CGGBP1: variants seen among roughly 807,000 people sequenced by gnomAD.
The protein encoded by CGGBP1 is CGG triplet repeat-binding protein 1.
CGGBP1 carries 4 observed loss-of-function variants against 11.4 expected under a neutral mutation model. The ratio of observed to expected loss-of-function variants is 0.35; its 90% CI spans 0.17 to 0.80. The LOEUF is 0.80. Ranked by LOEUF, CGGBP1 falls within the 30% of genes least tolerant of loss-of-function variation. The probability of loss-of-function intolerance (pLI) is 0.52; values close to 1 mark genes in which losing one functional copy is unlikely to be tolerated. For synonymous variants in CGGBP1, 76 were observed against 74.1 expected (o/e 1.03, Z -0.13); for missense variants, 135 against 202.1 (o/e 0.67, Z 2.01).
At chr3:88,062,397 G>C (rs1401287830), upstream of CGGBP1, among the ~76,000 whole-genome samples, 1 of 152,102 alleles carries the variant, frequency 6.6e-6, no homozygotes, top group Non-Finnish European at 1.5e-5. Context: ...TGTTGTTGTT[G>C]CAAGTGATGT....
At position 88,107,417 on chromosome 3, in the gene CGGBP1, T is replaced by C. The variant is rs538168721; in HGVS notation, c.-229+33553A>G. Among the ~76,000 whole-genome samples the C allele has an allele frequency of 5.3e-5, 8 of 152,328 alleles. No individual in the cohort carries two copies. In the East Asian group the frequency reaches 1.5e-3, roughly 29 times the overall value. On this transcript the variant is annotated intron_variant, in intron 2 of 3. Transcript: ENST00000462901. ...TTTGTAAACAATCTATATCTTTCTC[T>C]GTTTATCCACTGCTCTTTATTGGTA...
chr3:88,115,432 G>T (rs1367972708), intron 2 of CGGBP1, among the ~76,000 whole-genome samples: 2 of 152,208 alleles, frequency 1.3e-5, no homozygotes, highest in Non-Finnish European at 2.9e-5. Flanking sequence ...TGGGTTAAAT[G>T]AGTAAAGTGC....
At chr3:88,123,219 T>C (rs1450846637) in intron 2 of CGGBP1, among the ~76,000 whole-genome samples, 2 of 152,128 alleles carry the variant, frequency 1.3e-5, no homozygotes, top group Non-Finnish European at 2.9e-5. Flanking sequence ...CTTTCTTCCT[T>C]TGTCTTTTTA....
At chr3:88,105,305 A>G (rs955645486) in intron 2 of CGGBP1, among the ~76,000 whole-genome samples, 6 of 152,054 alleles carry the variant, frequency 3.9e-5, no homozygotes, top group East Asian at 1.9e-4. Flanking sequence ...ACTTAGTATT[A>G]TATCTTGGAG....
intron 1 of CGGBP1, among the ~76,000 whole-genome samples, chr3:88,149,524 T>G (rs1210786665): frequency 1.3e-5 from 2 of 152,268 alleles, no homozygotes; most frequent in Admixed American, 1.3e-4. Context: ...CAAAACTAAA[T>G]TATTTTAATT....
rs202161642 is a variant in CGGBP1, at chr3:88,139,609, G to A, written c.-229+1361C>T. 2.0e-4 allele frequency: 318 copies of A among 1,613,716 alleles called. 3 individuals carry two copies. The South Asian group carries it at 3.3e-3, about 17-fold the overall frequency. ...GAAGTGGAGACACTTACTGCTTCTAGTGAAGGAAACAAAGAAGTCATCCCT... is the reference window on the plus strand; with the variant it reads ...GAAGTGGAGACACTTACTGCTTCTAATGAAGGAAACAAAGAAGTCATCCCT... On this transcript the variant is annotated intron_variant, in intron 2 of 3. Transcript: ENST00000462901.
upstream of CGGBP1, among the ~76,000 whole-genome samples, chr3:88,060,146 C>T (rs1317180878): frequency 6.6e-6 from 1 of 152,062 alleles, no homozygotes; most frequent in African/African-American, 2.4e-5. Flanking sequence ...TCGGTTGACA[C>T]ACGCACTCTT....
At chr3:88,149,545 A>G (rs1269808371) in intron 1 of CGGBP1, among the ~76,000 whole-genome samples, 2 of 152,280 alleles carry the variant, frequency 1.3e-5, no homozygotes, top group Non-Finnish European at 2.9e-5. Context: ...TACTTAATTT[A>G]AGGAACCAAA....
At chr3:88,139,787 A>G (rs1463049072) in intron 2 of CGGBP1, 10 of 1,555,146 alleles carry the variant, frequency 6.4e-6, no homozygotes, top group Non-Finnish European at 8.7e-6. Context: ...AAGAGGATGA[A>G]GAAGGTGATT....
intron 2 of CGGBP1, chr3:88,140,113 A>G: frequency 1.2e-6 from 2 of 1,613,848 alleles, no homozygotes; most frequent in Non-Finnish European, 1.7e-6. Flanking sequence ...CCAAATGTGT[A>G]TTTTTGTTTG....
At position 88,126,262 on chromosome 3, in the gene CGGBP1, G is replaced by A. The variant is rs1323023490; in HGVS notation, c.-229+14708C>T. On this transcript the variant is annotated intron_variant, in intron 2 of 3. Transcript: ENST00000462901. ...TCCTTAAAGCTCAGCCAGCATCTCA[G>A]GAGATAGGTACTTCAGGAGATTCAA... 21 of 1,509,596 alleles carry A rather than the reference G, an allele frequency of 1.4e-5. No individual in the cohort carries two copies. In the East Asian group the frequency reaches 4.9e-4, roughly 35 times the overall value. The allele number at this position is 1,509,596 out of a possible 1,614,324, so 93.5% of individuals were successfully genotyped here.
rs1316151880 is a variant in CGGBP1 at position 88,106,072 on chromosome 3, C to T, written c.-229+34898G>A. 8.5e-5 allele frequency among the ~76,000 whole-genome samples: 13 copies of T among 152,296 alleles called. No individual in the cohort carries two copies. The South Asian group carries it at 2.7e-3, about 32-fold the overall frequency. On this transcript the variant is annotated intron_variant, in intron 2 of 3. Coordinates refer to the CGGBP1 transcript ENST00000462901. ...AGAAGGGCCTCACCAGACACCAAAC[C>T]TGTTGGCGCTCTGATGAGCTGCCAG...
intron 2 of CGGBP1, among the ~76,000 whole-genome samples, chr3:88,125,849 A>G (rs1359153205): frequency 6.6e-6 from 1 of 152,092 alleles, no homozygotes; most frequent in Admixed American, 6.6e-5. Context: ...GTTTTTTGCA[A>G]CCTGGTTCTT....
At chr3:88,143,187 TATTAA>T (rs1162275167) in intron 1 of CGGBP1, 1 of 152,288 alleles carries the variant, frequency 6.6e-6, no homozygotes, top group Non-Finnish European at 1.5e-5. Flanking sequence ...ATCCATATTT[TATTAA>T]ATTAGGATTT....
intron 2 of CGGBP1, chr3:88,113,147 G>A (rs1368633626): frequency 1.3e-6 from 2 of 1,534,096 alleles, no homozygotes; most frequent in Non-Finnish European, 1.7e-6. Context: ...TTCTTTGGAA[G>A]AGATGAGTTT....
Position 88,055,800 on chromosome 3 carries a change from A to G in CGGBP1, c.177T>C (p.Ser59=). 6.2e-7 allele frequency: 1 copy of G among 1,614,222 alleles called. No individual in the cohort carries two copies. The highest frequency in any genetic ancestry group is 8.5e-7 in the Non-Finnish European group (1 of 1,180,026). ...TATGAGTCTTTGACTTGAGGTGGTC[A>G]CTAATGGCAGACTTGCGAACATGAT... is the stretch of plus-strand genomic sequence containing the variant. The part of the protein sequence containing the change: ...VLNHVRKSAI[S]DHLKSKTHTK... The change falls in exon 4 of 4, where the codon AGT becomes AGC. Residue 59 remains serine, a synonymous_variant. Transcript: ENST00000482016. The surrounding 1 kb of genome is among the most constrained non-coding windows in gnomAD (Gnocchi z 4.2).
intron 1 of CGGBP1, chr3:88,141,166 C>A: frequency 8.8e-7 from 1 of 1,139,154 alleles, no homozygotes; most frequent in Non-Finnish European, 1.2e-6. Context: ...GGTAGTGAAG[C>A]ATTACTCCAT....
chr3:88,073,756 TAAAA>T (rs34990621), intron 2 of CGGBP1, among the ~76,000 whole-genome samples: 1 of 152,122 alleles, frequency 6.6e-6, no homozygotes, highest in Non-Finnish European at 1.5e-5. Context: ...GCATTCTTCT[TAAAA>T]AAAGGAAGAG....
At chr3:88,119,493 T>C (rs1321090884) in intron 2 of CGGBP1, among the ~76,000 whole-genome samples, 2 of 150,128 alleles carry the variant, frequency 1.3e-5, no homozygotes, top group Non-Finnish European at 3.0e-5. Context: ...TATACATATG[T>C]AACTAACCTG....
Sources: gnomAD v4.1 joint callset for allele counts (sites outside exome capture counted in the v4.1 genomes callset) on GRCh38, gnomAD v4.1.1 for gene constraint, Gnocchi (gnomAD v3.1) non-coding constraint, MANE v1.5 for transcripts, NCBI Gene and HGNC (gene_info 2026-07-23, HGNC 2026-07-21) for gene names.